Variants in BRAF observed in about 807,000 individuals in gnomAD.
BRAF encodes the protein B-Raf proto-oncogene, serine/threonine kinase, also known as serine/threonine-protein kinase B-raf.
Under a neutral mutation model 104.6 loss-of-function variants are expected in BRAF, and 16 were observed. The observed-to-expected ratio is 0.15, with a 90% CI of 0.10 to 0.23. The LOEUF (loss-of-function observed/expected upper bound fraction) is 0.23, where lower values mean the gene tolerates loss of function less well. Ranked by LOEUF, BRAF falls within the 10% of genes least tolerant of loss-of-function variation. The probability of loss-of-function intolerance (pLI) is 1.00; values close to 1 mark genes in which losing one functional copy is unlikely to be tolerated. For synonymous variants in BRAF, 310 were observed against 341.6 expected (o/e 0.91, Z 1.02); for missense variants, 541 against 937.3 (o/e 0.58, Z 5.52).
chr7:140,836,956 C>T (rs1807406074), intron 2 of BRAF, among the ~76,000 whole-genome samples: 1 of 152,190 alleles, frequency 6.6e-6, no homozygotes, highest in Non-Finnish European at 1.5e-5. Context: ...ATTTTCCAAA[C>T]ATATTTCCTT....
chr7:140,735,597 AC>A (rs1457661897), intron 18 of BRAF, among the ~76,000 whole-genome samples: 5 of 151,840 alleles, frequency 3.3e-5, no homozygotes, highest in Non-Finnish European at 7.4e-5. Context: ...GCTGTTGTCA[AC>A]CAGGCTGGAG....
At chr7:140,769,823 C>CTAA (rs1461257324) in intron 14 of BRAF, among the ~76,000 whole-genome samples, 4 of 152,166 alleles carry the variant, frequency 2.6e-5, no homozygotes, top group African/African-American at 9.7e-5. Context: ...GATCCTATTA[C>CTAA]CCTAGTCTTC....
chr7:140,750,200 T>C (rs1243861395), intron 16 of BRAF, among the ~76,000 whole-genome samples: 1 of 152,200 alleles, frequency 6.6e-6, no homozygotes, highest in Non-Finnish European at 1.5e-5. Context: ...TTCTGTATTG[T>C]TTCATTTGGA....
intron 14 of BRAF, among the ~76,000 whole-genome samples, chr7:140,775,716 T>G (rs1050436353): frequency 2.0e-5 from 3 of 152,220 alleles, no homozygotes; most frequent in Non-Finnish European, 4.4e-5. Context: ...TGAGATTGTT[T>G]CAAGTCTAGG....
chr7:140,845,510 A>G (rs1480683238), intron 2 of BRAF, among the ~76,000 whole-genome samples: 2 of 152,228 alleles, frequency 1.3e-5, no homozygotes, highest in African/African-American at 4.8e-5. Context: ...AAACAATCCA[A>G]TTAAAAAATG....
intron 14 of BRAF, among the ~76,000 whole-genome samples, chr7:140,756,481 T>C (rs979110661): frequency 1.3e-5 from 2 of 151,792 alleles, no homozygotes; most frequent in African/African-American, 2.4e-5. Flanking sequence ...TAAATAATTC[T>C]ATATAGGGGG....
rs1444507479 is a variant in BRAF, at chr7:140,897,362, C to T, written c.138+27204G>A. ...CAAATGGTGTTGGGAAAATAACATC[C>T]CCCAAGACATCTTCATATAACAAAT... On this transcript the variant is annotated intron_variant, in intron 1 of 19. Coordinates refer to ENST00000644969, the MANE Select transcript of BRAF (RefSeq NM_001374258.1). Among the ~76,000 whole-genome samples, 4 of 152,086 alleles carry T rather than the reference C, an allele frequency of 2.6e-5. No homozygotes were observed. In the East Asian group the frequency reaches 5.8e-4, roughly 22 times the overall value.
chr7:140,785,634 G>A (rs1801279394), intron 10 of BRAF: 2 of 398,528 alleles, frequency 5.0e-6, no homozygotes, highest in Non-Finnish European at 8.9e-6. Context: ...AACAGCATCT[G>A]TAGTTTTATA....
At position 140,723,186 on chromosome 7, in the gene BRAF, G is replaced by C. The variant is rs1795403228; in HGVS notation, c.*3308C>G. On this transcript the variant is annotated 3_prime_UTR_variant, in exon 20 of 20. Transcript: ENST00000644969. ...GTGGATGTACAGTGGGGACAGGTGA[G>C]ATCTGAGGAGGATGTGCAGCAGCTC... 1.9e-6 allele frequency: 2 copies of C among 1,054,306 alleles called. No individual in the cohort carries two copies. The highest frequency in any genetic ancestry group is 4.6e-5 in the South Asian group (1 of 21,860). 65.3% of individuals were successfully genotyped at this position (1,054,306 alleles called of 1,614,324 possible). A position where few individuals can be genotyped will look rare whatever the true frequency, so the allele number is the denominator to read the frequency against.
intron 3 of BRAF, among the ~76,000 whole-genome samples, chr7:140,826,582 A>C (rs1356951452): frequency 2.0e-5 from 3 of 152,208 alleles, no homozygotes; most frequent in Admixed American, 1.3e-4. Context: ...AGAACCCTCT[A>C]AAGCATCAGG....
intron 6 of BRAF, 49 bp downstream of exon 6, chr7:140,801,363 T>C: frequency 6.3e-7 from 1 of 1,599,812 alleles, no homozygotes; most frequent in Non-Finnish European, 8.6e-7. Flanking sequence ...ATTAAGAAAA[T>C]TTAAGTGTAA....
chr7:140,845,823 G>A (rs1808483128), intron 2 of BRAF, among the ~76,000 whole-genome samples: 1 of 151,962 alleles, frequency 6.6e-6, no homozygotes, highest in Admixed American at 6.5e-5. Context: ...GATTACAGGT[G>A]CGCACCACTA....
At chr7:140,824,356 T>C (rs1805782702) in intron 3 of BRAF, 1 of 152,196 alleles carries the variant, frequency 6.6e-6, no homozygotes, top group African/African-American at 2.4e-5. Flanking sequence ...CACTTCATTC[T>C]TTTGCATGTG....
At chr7:140,790,863 C>A (rs941777811) in intron 8 of BRAF, among the ~76,000 whole-genome samples, 1 of 152,154 alleles carries the variant, frequency 6.6e-6, no homozygotes, top group Non-Finnish European at 1.5e-5. Flanking sequence ...TCCCAACACT[C>A]TGGGAGGCGG....
chr7:140,852,050 C>T (rs1430663202), intron 1 of BRAF, among the ~76,000 whole-genome samples: 4 of 152,128 alleles, frequency 2.6e-5, no homozygotes, highest in Non-Finnish European at 4.4e-5. Flanking sequence ...CCAGAAGCAG[C>T]AGCATCTTCT....
chr7:140,813,329 C>T (rs1340701615), intron 3 of BRAF, among the ~76,000 whole-genome samples: 1 of 152,022 alleles, frequency 6.6e-6, no homozygotes, highest in Non-Finnish European at 1.5e-5. Flanking sequence ...CAAACCCAAA[C>T]TAGTGAAGTT....
At chr7:140,729,181 G>T (rs183307990) in intron 19 of BRAF, among the ~76,000 whole-genome samples, 11 of 152,114 alleles carry the variant, frequency 7.2e-5, no homozygotes, top group Middle Eastern at 3.4e-3. Context: ...GCTGCAGTGA[G>T]CCAGGATTGT....
chr7:140,897,289 G>C lies in BRAF; in HGVS notation c.138+27277C>G, dbSNP rs114930881. Among the ~76,000 whole-genome samples, 1,325 of 152,132 alleles carry C rather than the reference G, an allele frequency of 8.7e-3. 23 individuals carry two copies. Among genetic ancestry groups the C allele is most frequent in the African/African-American group, 0.03 (1,244 of 41,502 alleles). On this transcript the variant is annotated intron_variant, in intron 1 of 19. Coordinates refer to ENST00000644969, the MANE Select transcript of BRAF (RefSeq NM_001374258.1). ...CGGTCCATGGGAATCTGGTAGAAAT[G>C]AGAGGTTGCTTTACAAATAAGTGAG...
Position 140,719,608 on chromosome 7 carries a change from T to G in BRAF, c.*6886A>C. On this transcript the variant is annotated 3_prime_UTR_variant, in exon 20 of 20. Coordinates refer to ENST00000644969, the MANE Select transcript of BRAF (RefSeq NM_001374258.1). The stretch of plus-strand genomic sequence containing the variant: ...GAACCAAAGTATCAGGAAGTGGGTA[T>G]GGGGGAGAATTAAAAAAAATAATAA... 4 of 1,061,434 alleles carry G rather than the reference T, an allele frequency of 3.8e-6. No individual in the cohort carries two copies. Among genetic ancestry groups the G allele is most frequent in the Non-Finnish European group, 3.4e-6 (3 of 876,526 alleles). The allele number at this position is 1,061,434 out of a possible 1,614,324, so 65.8% of individuals were successfully genotyped here. A position where few individuals can be genotyped will look rare whatever the true frequency, so the allele number is the denominator to read the frequency against.
Sources: gnomAD v4.1 joint callset for allele counts (sites outside exome capture counted in the v4.1 genomes callset) on GRCh38, gnomAD v4.1.1 for gene constraint, MANE v1.5 for transcripts, NCBI Gene and HGNC (gene_info 2026-07-23, HGNC 2026-07-21) for gene names.